The following SPAG16 variants were observed in gnomAD, a reference collection of about 807,000 sequenced individuals.
SPAG16 encodes sperm associated antigen 16.
Under a neutral mutation model 80.4 loss-of-function variants are expected in SPAG16, and 86 were observed. That is an observed-to-expected ratio of 1.07 (90% CI 0.90 to 1.28). The LOEUF (loss-of-function observed/expected upper bound fraction) is 1.28, where lower values mean the gene tolerates loss of function less well. Among genes scored for constraint, SPAG16 ranks in the 50% most tolerant of loss-of-function variants. The pLI is 0.00. For missense variants in SPAG16, 870 were observed against 765.3 expected (o/e 1.14, Z -1.61); for synonymous variants, 294 against 265.9 (o/e 1.11, Z -1.03).
intron 15 of SPAG16, among the ~76,000 whole-genome samples, chr2:214,367,385 A>T (rs765008341): frequency 7.9e-5 from 12 of 152,156 alleles, no homozygotes; most frequent in Non-Finnish European, 1.3e-4. Context: ...TCTTTCATGC[A>T]TGTTTGAAAC....
chr2:213,529,071 T>C (rs1165867344), intron 10 of SPAG16, among the ~76,000 whole-genome samples: 1 of 152,198 alleles, frequency 6.6e-6, no homozygotes, highest in Non-Finnish European at 1.5e-5. Flanking sequence ...AATATTTCTT[T>C]GTAGGATTTA....
chr2:213,856,577 A>G (rs775607717), intron 10 of SPAG16, among the ~76,000 whole-genome samples: 5 of 152,192 alleles, frequency 3.3e-5, no homozygotes, highest in Admixed American at 1.3e-4. Context: ...AGGCATGTCT[A>G]TACATCTTCG....
chr2:213,710,305 A>G (rs1458377737), intron 10 of SPAG16, among the ~76,000 whole-genome samples: 1 of 152,052 alleles, frequency 6.6e-6, no homozygotes, highest in Non-Finnish European at 1.5e-5. Context: ...AAAAGAAGTT[A>G]TAGGAAATGA....
At position 214,293,871 on chromosome 2, in the gene SPAG16, A is replaced by C. The variant is rs532198751; in HGVS notation, c.1721-116269A>C. ...CCAGCTATGGGCCTACAACCAGGGA[A>C]GGTGGGGCCACTCTCAATGACAGCA... On this transcript the variant is annotated intron_variant, in intron 15 of 15. Transcript: ENST00000331683. Among the ~76,000 whole-genome samples the C allele has an allele frequency of 2.6e-5, 4 of 152,064 alleles. No homozygotes were observed. In the South Asian group the frequency reaches 6.2e-4, roughly 24 times the overall value.
At chr2:213,552,256 A>G (rs577329653) in intron 10 of SPAG16, among the ~76,000 whole-genome samples, 49 of 152,216 alleles carry the variant, frequency 3.2e-4, no homozygotes, top group African/African-American at 1.0e-3. Flanking sequence ...AATGAGCATT[A>G]ATTTTACATT....
At chr2:213,358,141 A>ATGTAACCT in intron 7 of SPAG16, among the ~76,000 whole-genome samples, 1 of 152,072 alleles carries the variant, frequency 6.6e-6, no homozygotes, top group Non-Finnish European at 1.5e-5. Context: ...TAGTCTGATG[A>ATGTAACCT]GCTTCCCCTT....
Position 213,785,194 on chromosome 2 carries a change from A to G in SPAG16, c.1071-77291A>G, listed in dbSNP as rs2070260962. 2.0e-5 allele frequency among the ~76,000 whole-genome samples: 3 copies of G among 152,182 alleles called. No individual in the cohort carries two copies. The South Asian group carries it at 6.2e-4, about 31-fold the overall frequency. On this transcript the variant is annotated intron_variant, in intron 10 of 15. Coordinates refer to ENST00000331683, the MANE Select transcript of SPAG16 (RefSeq NM_024532.5). ...ATTCAGAACTACTTAGACTTTTTTTACATGGACAAATACGATGTGATTTTT... is the reference window on the plus strand; with the variant it reads ...ATTCAGAACTACTTAGACTTTTTTTGCATGGACAAATACGATGTGATTTTT...
intron 10 of SPAG16, among the ~76,000 whole-genome samples, chr2:213,784,437 G>A (rs1194292274): frequency 6.8e-6 from 1 of 146,988 alleles, no homozygotes; most frequent in East Asian, 2.0e-4. Context: ...TCCACCTTGT[G>A]TAGTTTATCA....
At chr2:214,043,579 A>C (rs911411482) in intron 13 of SPAG16, among the ~76,000 whole-genome samples, 3 of 152,184 alleles carry the variant, frequency 2.0e-5, no homozygotes, top group South Asian at 2.1e-4. Context: ...AAATTGATGT[A>C]ATGGAAATGG....
At chr2:213,447,192 C>T (rs1201874077) in intron 9 of SPAG16, among the ~76,000 whole-genome samples, 1 of 152,152 alleles carries the variant, frequency 6.6e-6, no homozygotes, top group African/African-American at 2.4e-5. Context: ...CTGGAGGCTA[C>T]TTATTTTATT....
chr2:214,380,378 T>C (rs1700378075), intron 15 of SPAG16, among the ~76,000 whole-genome samples: 1 of 152,236 alleles, frequency 6.6e-6, no homozygotes, highest in Non-Finnish European at 1.5e-5. Context: ...CAGAAATGCT[T>C]CTATTGAACT....
intron 10 of SPAG16, among the ~76,000 whole-genome samples, chr2:213,675,846 T>A (rs1427754146): frequency 6.6e-6 from 1 of 151,732 alleles, no homozygotes; most frequent in African/African-American, 2.4e-5. Flanking sequence ...TTCTTTTGGC[T>A]TAGGATTGAC....
intron 10 of SPAG16, among the ~76,000 whole-genome samples, chr2:213,541,807 T>A (rs1159084321): frequency 6.6e-6 from 1 of 151,768 alleles, no homozygotes; most frequent in Non-Finnish European, 1.5e-5. Context: ...ACGTCTTCCC[T>A]TGTCTATAGA....
chr2:213,373,497 C>T (rs1229823268), intron 8 of SPAG16, among the ~76,000 whole-genome samples: 1 of 152,248 alleles, frequency 6.6e-6, no homozygotes, highest in Middle Eastern at 3.4e-3. Context: ...TGTAGAGCAA[C>T]AATGTATACA....
chr2:213,822,674 G>T (rs1197187364), intron 10 of SPAG16, among the ~76,000 whole-genome samples: 1 of 152,118 alleles, frequency 6.6e-6, no homozygotes, highest in Non-Finnish European at 1.5e-5. Context: ...AAGTACACGT[G>T]TGCCATGGTG....
intron 13 of SPAG16, among the ~76,000 whole-genome samples, chr2:214,031,568 A>G (rs1279941920): frequency 6.8e-6 from 1 of 146,418 alleles, no homozygotes; most frequent in Admixed American, 6.8e-5. Flanking sequence ...CACATTGTGC[A>G]CATGTACCCT....
chr2:213,508,615 T>C (rs1258822168), intron 10 of SPAG16, among the ~76,000 whole-genome samples: 1 of 151,954 alleles, frequency 6.6e-6, no homozygotes, highest in African/African-American at 2.4e-5. Context: ...ATGTCCTTTG[T>C]AGGGACATGG....
intron 10 of SPAG16, among the ~76,000 whole-genome samples, chr2:213,735,697 A>G (rs1314169425): frequency 6.6e-6 from 1 of 152,222 alleles, no homozygotes; most frequent in Non-Finnish European, 1.5e-5. Context: ...ACACTTAAGT[A>G]AAAGAGGGGA....
chr2:213,966,680 C>T (rs929585263), intron 12 of SPAG16, among the ~76,000 whole-genome samples: 1 of 152,108 alleles, frequency 6.6e-6, no homozygotes, highest in South Asian at 2.1e-4. Flanking sequence ...ATAATTAGAG[C>T]AATAATCCTT....
Sources: allele counts gnomAD v4.1 joint callset (sites outside exome capture counted in the v4.1 genomes callset), GRCh38; gene constraint gnomAD v4.1.1; transcripts MANE v1.5; gene names NCBI Gene and HGNC (gene_info 2026-07-23, HGNC 2026-07-21).